Variants in MAGEC1 observed in about 807,000 individuals in gnomAD.
MAGEC1 encodes melanoma-associated antigen C1.
A neutral mutation model predicts 1.5 loss-of-function variants in MAGEC1; 3 were observed. The observed-to-expected ratio is 1.97, with a 90% confidence interval of 0.90 to 5.10. The LOEUF (loss-of-function observed/expected upper bound fraction) is 5.10. Ranked by LOEUF, MAGEC1 falls within the 30% of genes most tolerant of loss-of-function variation. The probability of loss-of-function intolerance (pLI) is 0.02; values close to 1 mark genes in which losing one functional copy is unlikely to be tolerated. For missense variants in MAGEC1, 985 were observed against 803.1 expected (o/e 1.23, Z -2.74); for synonymous variants, 357 against 310.4 (o/e 1.15, Z -1.58).
chrX:141,907,822 C>A lies in MAGEC1; in HGVS notation c.2418C>A (p.Ala806=). Residue 806 remains alanine, a synonymous_variant, in exon 4 of 4, where the codon GCC becomes GCA. Transcript: ENST00000285879. ...ESPQSPPEGP[A]QSPLQSPVSS... ...CTCAGAGTCCTCCTGAGGGGCCTGC[C>A]CAGTCTCCTCTCCAGAGTCCTGTGA... 1 of 1,210,160 alleles carries A rather than the reference C, an allele frequency of 8.3e-7. No individual in the cohort carries two copies.
rs756065189 is a variant in MAGEC1, at chrX:141,904,819, G to A, written c.-104+5G>A. 3.0e-5 allele frequency: 13 copies of A among 435,290 alleles called. No homozygotes were observed. Among genetic ancestry groups the A allele is most frequent in the Non-Finnish European group, 4.4e-5 (11 of 249,457 alleles). The allele number at this position is 435,290 out of a possible 1,213,427, so 35.9% of individuals were successfully genotyped here. ...CAGGCAGTGCCAGGAGTCAAGGTGA[G>A]TGCACGACCTGACTGTGTACCAAGG... On this transcript the variant is annotated splice_donor_5th_base_variant and intron_variant, in intron 2 of 3. Transcript: ENST00000285879.
chrX:141,907,851 C>G lies in MAGEC1; in HGVS notation c.2447C>G (p.Ser816Cys), dbSNP rs756510538. 5 of 1,209,318 alleles carry G rather than the reference C, an allele frequency of 4.1e-6. No homozygotes were observed. In the East Asian group the frequency reaches 8.9e-5, roughly 22 times the overall value. The change falls in exon 4 of 4, where the codon TCC (serine) becomes TGC (cysteine). Residue 816 changes from serine (S) to cysteine (C), a missense_variant. Physicochemically the swap from Ser to Cys is moderately radical, Grantham distance 112. Transcript: ENST00000285879. ...TCTCCTCTCCAGAGTCCTGTGAGCTCCTTCCCCTCCTCCACTTCATCGAGT... is the reference window on the plus strand; with the variant it reads ...TCTCCTCTCCAGAGTCCTGTGAGCTGCTTCCCCTCCTCCACTTCATCGAGT... The part of the protein sequence containing the change: ...AQSPLQSPVS[S>C]FPSSTSSSLS...
Position 141,908,985 on chromosome X carries a change from A to G in MAGEC1, c.*152A>G, listed in dbSNP as rs996209283. The G allele has an allele frequency of 3.2e-5, 13 of 412,114 alleles. 1 individual carries two copies. The African/African-American group carries it at 3.2e-4, about 10-fold the overall frequency. 34.0% of individuals were successfully genotyped at this position (412,114 alleles called of 1,213,427 possible). Reference sequence around the variant, plus strand: ...GGGTTTACCTGTTTTACTTTTGGGTATTTTTCAAATGCTTTTCCTATTAAT... The same window carrying G: ...GGGTTTACCTGTTTTACTTTTGGGTGTTTTTCAAATGCTTTTCCTATTAAT... On this transcript the variant is annotated 3_prime_UTR_variant, in exon 4 of 4. Transcript: ENST00000285879.
rs757100609 is a variant in MAGEC1, at chrX:141,907,416, A to C, written c.2012A>C (p.His671Pro). Residue 671 changes from histidine to proline, a missense_variant, in exon 4 of 4, where the codon CAC becomes CCC. By Grantham distance (77) the His-to-Pro change is moderately conservative. Coordinates refer to ENST00000285879, the MANE Select transcript of MAGEC1 (RefSeq NM_005462.5). ...CCTCAGAGCCCTCCTGAGGGGATGC[A>C]CTCCCAATCTCCTCTCCAGAGTCCT... ...HSPQSPPEGM[H>P]SQSPLQSPES... 236 of 1,189,000 alleles carry C rather than the reference A, an allele frequency of 2.0e-4. 1 individual carries two copies. The South Asian group carries it at 3.9e-3, about 20-fold the overall frequency.
At position 141,906,329 on chromosome X, in the gene MAGEC1, T is replaced by C. The variant is rs138660605; in HGVS notation, c.925T>C (p.Ser309Pro). The C allele has an allele frequency of 0.02, 20,236 of 1,017,602 alleles. 942 individuals carry two copies. The highest frequency in any genetic ancestry group is 0.021 in the Non-Finnish European group (15,832 of 753,981). 83.9% of individuals were successfully genotyped at this position (1,017,602 alleles called of 1,213,427 possible). ...PQSPLQIPVSSSSSSTLLSLF... is the reference protein window; with the variant it reads ...PQSPLQIPVSPSSSSTLLSLF... ...GTCTCCTCTCCAGATTCCTGTGAGC[T>C]CCTCCTCCTCCTCCACTTTATTGAG... The change falls in exon 4 of 4, where the codon TCC becomes CCC. Residue 309 changes from serine to proline, a missense_variant. By Grantham distance (74) the Ser-to-Pro change is moderately conservative. Coordinates refer to ENST00000285879, the MANE Select transcript of MAGEC1 (RefSeq NM_005462.5).
chrX:141,907,790 GAGAGTCCTC>G lies in MAGEC1; in HGVS notation c.2396_2404del (p.Gln799_Pro801del). ...AGCGAGTCTTCTCCAAAGTTCCCAT[GAGAGTCCTC>G]AGAGTCCTCCTGAGGGGCCTGCCCA... On this transcript the variant is annotated inframe_deletion, in exon 4 of 4. Transcript: ENST00000285879. The G allele has an allele frequency of 8.3e-7, 1 of 1,207,391 alleles. No homozygotes were observed.
chrX:141,906,009 T>C lies in MAGEC1; in HGVS notation c.605T>C (p.Val202Ala). 1 of 1,209,526 alleles carries C rather than the reference T, an allele frequency of 8.3e-7. No individual in the cohort carries two copies. Among genetic ancestry groups the C allele is most frequent in the African/African-American group, 1.7e-5 (1 of 58,022 alleles). Residue 202 changes from valine to alanine, a missense_variant, in exon 4 of 4, where the codon GTG becomes GCG. Physicochemically the swap from Val to Ala is moderately conservative, Grantham distance 64. Transcript: ENST00000285879. ...CCCCAGTCTCCACTCCAGATTCCTGTGAGCCGCTCCTTCTCCTCCACTTTA... is the reference window on the plus strand; with the variant it reads ...CCCCAGTCTCCACTCCAGATTCCTGCGAGCCGCTCCTTCTCCTCCACTTTA... ...GFPQSPLQIP[V>A]SRSFSSTLLS...
In MAGEC1 at chrX:141,906,337, C is replaced by T; in HGVS notation, c.933C>T (p.Ser311=). ...SPLQIPVSSS[S]SSTLLSLFQS... ...TCCAGATTCCTGTGAGCTCCTCCTC[C>T]TCCTCCACTTTATTGAGTCTTTTCC... The change falls in exon 4 of 4, where the codon TCC becomes TCT. Residue 311 remains serine (S), a synonymous_variant. Coordinates refer to ENST00000285879, the MANE Select transcript of MAGEC1 (RefSeq NM_005462.5). 1.1e-6 allele frequency: 1 copy of T among 907,386 alleles called. No individual in the cohort carries two copies. The highest frequency in any genetic ancestry group is 2.1e-5 in the African/African-American group (1 of 46,874). 74.8% of individuals were successfully genotyped at this position (907,386 alleles called of 1,213,427 possible).
Position 141,908,395 on chromosome X carries a change from C to T in MAGEC1, c.2991C>T (p.Asn997=). The change falls in exon 4 of 4, where the codon AAC becomes AAT. Residue 997 remains asparagine, a synonymous_variant. Transcript: ENST00000285879. ...GTGATGAGCAGGGCATGTCCCAGAA[C>T]CGCCTCCTGATTCTTATTCTGAGTA... The part of the protein sequence containing the change: ...CLSDEQGMSQ[N]RLLILILSII... The T allele has an allele frequency of 8.3e-7, 1 of 1,211,243 alleles. No individual in the cohort carries two copies. Among genetic ancestry groups the T allele is most frequent in the Non-Finnish European group, 1.1e-6 (1 of 895,306 alleles).
rs1927044852 is a variant in MAGEC1, at chrX:141,908,879, G to A, written c.*46G>A. Reference sequence around the variant, plus strand: ...CTCTGAGTTTGAAGGGGGCAGTCGAGTTTCTACGTGGTGGAGGGCCTGGTT... The same window carrying A: ...CTCTGAGTTTGAAGGGGGCAGTCGAATTTCTACGTGGTGGAGGGCCTGGTT... On this transcript the variant is annotated 3_prime_UTR_variant, in exon 4 of 4. Transcript: ENST00000285879. The A allele has an allele frequency of 9.2e-7, 1 of 1,085,037 alleles. No individual in the cohort carries two copies. Among genetic ancestry groups the A allele is most frequent in the Non-Finnish European group, 1.2e-6 (1 of 808,832 alleles). 89.4% of individuals were successfully genotyped at this position (1,085,037 alleles called of 1,213,427 possible).
rs760911750 is a variant in MAGEC1, at chrX:141,907,943, C to T, written c.2539C>T (p.Pro847Ser). Reference protein sequence around the residue: ...STSSSLSKSSPESPLQSPVIS... With the variant: ...STSSSLSKSSSESPLQSPVIS... ...TTCATCGAGTCTTTCCAAGAGTTCCCCTGAGAGTCCTCTCCAGAGTCCTGT... is the reference window on the plus strand; with the variant it reads ...TTCATCGAGTCTTTCCAAGAGTTCCTCTGAGAGTCCTCTCCAGAGTCCTGT... The change falls in exon 4 of 4, where the codon CCT becomes TCT. Residue 847 changes from proline (P) to serine (S), a missense_variant. Transcript: ENST00000285879. The T allele has an allele frequency of 9.1e-6, 11 of 1,208,802 alleles. No homozygotes were observed. In the South Asian group the frequency reaches 1.8e-4, roughly 19 times the overall value.
At position 141,903,956 on chromosome X, in the gene MAGEC1, T is replaced by G. The variant is rs2018160125; in HGVS notation, c.-224T>G. The G allele has an allele frequency of 1.1e-5, 1 of 94,948 alleles. No individual in the cohort carries two copies. The highest frequency in any genetic ancestry group is 9.6e-5 in the Admixed American group (1 of 10,438). 7.8% of individuals were successfully genotyped at this position (94,948 alleles called of 1,213,427 possible). ...CTCAGGTCAGCGGAGGGAGGAGACTTATAGACCTATCCAGTCTTCAAGGTG... is the reference window on the plus strand; with the variant it reads ...CTCAGGTCAGCGGAGGGAGGAGACTGATAGACCTATCCAGTCTTCAAGGTG... On this transcript the variant is annotated 5_prime_UTR_variant, in exon 1 of 4. Transcript: ENST00000285879.
chrX:141,907,798 T>G lies in MAGEC1; in HGVS notation c.2394T>G (p.Pro798=). 1.7e-6 allele frequency: 2 copies of G among 1,209,892 alleles called. No homozygotes were observed. The highest frequency in any genetic ancestry group is 2.2e-6 in the Non-Finnish European group (2 of 894,881). ...TTCTCCAAAGTTCCCATGAGAGTCCTCAGAGTCCTCCTGAGGGGCCTGCCC... is the reference window on the plus strand; with the variant it reads ...TTCTCCAAAGTTCCCATGAGAGTCCGCAGAGTCCTCCTGAGGGGCCTGCCC... ...ASLLQSSHES[P]QSPPEGPAQS... Residue 798 remains proline (P), a synonymous_variant, in exon 4 of 4, where the codon CCT becomes CCG. Transcript: ENST00000285879.
Position 141,907,560 on chromosome X carries a change from A to C in MAGEC1, c.2156A>C (p.Asp719Ala), listed in dbSNP as rs1926981919. ...HFPQSPPEWE[D>A]SLSPLHFPQF... The stretch of plus-strand genomic sequence containing the variant: ...CCTCAGAGTCCTCCTGAGTGGGAGG[A>C]CTCCCTCTCTCCTCTCCACTTTCCT... Residue 719 changes from aspartate (D) to alanine (A), a missense_variant, in exon 4 of 4, where the codon GAC becomes GCC. Transcript: ENST00000285879. 3 of 1,173,145 alleles carry C rather than the reference A, an allele frequency of 2.6e-6. No homozygotes were observed. The highest frequency in any genetic ancestry group is 2.3e-5 in the Admixed American group (1 of 42,751).
At position 141,908,810 on chromosome X, in the gene MAGEC1, T is replaced by C; in HGVS notation, c.3406T>C (p.Ser1136Pro). 8.4e-7 allele frequency: 1 copy of C among 1,197,420 alleles called. No individual in the cohort carries two copies. Among genetic ancestry groups the C allele is most frequent in the Non-Finnish European group, 1.1e-6 (1 of 888,039 alleles). The change falls in exon 4 of 4, where the codon TCC becomes CCC. Residue 1136 changes from serine to proline, a missense_variant. By Grantham distance (74) the Ser-to-Pro change is moderately conservative (BLOSUM62 -1). Coordinates refer to ENST00000285879, the MANE Select transcript of MAGEC1 (RefSeq NM_005462.5). Reference protein sequence around the residue: ...ATESASSSVMSPSFSSE With the variant: ...ATESASSSVMPPSFSSE ...AGAAAGTGCAAGCTCCAGTGTCATG[T>C]CCCCCAGCTTCTCTTCTGAGTGAAG...
Position 141,907,392 on chromosome X carries a change from C to G in MAGEC1, c.1988C>G (p.Pro663Arg), listed in dbSNP as rs374709063. 1.6e-5 allele frequency: 19 copies of G among 1,203,846 alleles called. No homozygotes were observed. The highest frequency in any genetic ancestry group is 2.0e-5 in the Non-Finnish European group (18 of 892,918). ...EGPVQSPLHS[P>R]QSPPEGMHSQ... The stretch of plus-strand genomic sequence containing the variant: ...CCTGTCCAGTCTCCTCTCCATAGTC[C>G]TCAGAGCCCTCCTGAGGGGATGCAC... Residue 663 changes from proline to arginine, a missense_variant, in exon 4 of 4, where the codon CCT (proline) becomes CGT (arginine). Transcript: ENST00000285879.
chrX:141,908,396 C>T lies in MAGEC1; in HGVS notation c.2992C>T (p.Arg998Cys), dbSNP rs752575778. Residue 998 changes from arginine (R) to cysteine (C), a missense_variant, in exon 4 of 4, where the codon CGC (arginine) becomes TGC (cysteine). By Grantham distance (180) the Arg-to-Cys change is radical (BLOSUM62 -3). Coordinates refer to ENST00000285879, the MANE Select transcript of MAGEC1 (RefSeq NM_005462.5). Reference protein sequence around the residue: ...LSDEQGMSQNRLLILILSIIF... With the variant: ...LSDEQGMSQNCLLILILSIIF... ...TGATGAGCAGGGCATGTCCCAGAAC[C>T]GCCTCCTGATTCTTATTCTGAGTAT... 9.9e-6 allele frequency: 12 copies of T among 1,209,062 alleles called. No individual in the cohort carries two copies. Among genetic ancestry groups the T allele is most frequent in the African/African-American group, 7.0e-5 (4 of 56,925 alleles).
Position 141,906,256 on chromosome X carries a change from C to A in MAGEC1, c.852C>A (p.Phe284Leu), listed in dbSNP as rs779175129. The A allele has an allele frequency of 8.9e-7, 1 of 1,126,072 alleles. No homozygotes were observed. Among genetic ancestry groups the A allele is most frequent in the Middle Eastern group, 2.5e-4 (1 of 3,992 alleles). The allele number at this position is 1,126,072 out of a possible 1,213,427, so 92.8% of individuals were successfully genotyped here. A position where few individuals can be genotyped will look rare whatever the true frequency, so the allele number is the denominator to read the frequency against. ...TCTCCTCCACTTTAGTGAGTCTTTT[C>A]CAGAGTTCCCCTGAGAGAACTCAGA... ...PSFSSTLVSL[F>L]QSSPERTQST... Residue 284 changes from phenylalanine (F) to leucine (L), a missense_variant, in exon 4 of 4, where the codon TTC becomes TTA. By Grantham distance (22) the Phe-to-Leu change is conservative. Transcript: ENST00000285879.
Position 141,908,551 on chromosome X carries a change from G to A in MAGEC1, c.3147G>A (p.Val1049=). 1 of 1,196,137 alleles carries A rather than the reference G, an allele frequency of 8.4e-7. No homozygotes were observed. The highest frequency in any genetic ancestry group is 1.1e-6 in the Non-Finnish European group (1 of 887,527). The change falls in exon 4 of 4, where the codon GTG becomes GTA. Residue 1049 remains valine (V), a synonymous_variant. Coordinates refer to ENST00000285879, the MANE Select transcript of MAGEC1 (RefSeq NM_005462.5). ...GGGAGCTCCTCACTAAAGTTTGGGTGCAGGAACATTACCTAGAGTACCGGG... is the reference window on the plus strand; with the variant it reads ...GGGAGCTCCTCACTAAAGTTTGGGTACAGGAACATTACCTAGAGTACCGGG... ...EPRELLTKVW[V]QEHYLEYREV... is the part of the protein sequence containing the mutation.
Sources: allele counts gnomAD v4.1 joint callset, GRCh38; gene constraint gnomAD v4.1.1; transcripts MANE v1.5; gene names NCBI Gene and HGNC (gene_info 2026-07-23, HGNC 2026-07-21).